PLEKHA5: variants seen among roughly 807,000 people sequenced by gnomAD.
PLEKHA5 encodes the protein pleckstrin homology domain-containing family A member 5.
A neutral mutation model predicts 181.9 loss-of-function variants in PLEKHA5; 55 were observed. That is an observed-to-expected ratio of 0.30 (90% CI 0.24 to 0.38). The LOEUF (loss-of-function observed/expected upper bound fraction) is 0.38. PLEKHA5 is among the 10% of genes least tolerant of loss of function. PLEKHA5 has a pLI of 1.00. For synonymous variants in PLEKHA5, 535 were observed against 529.4 expected, an observed-to-expected ratio of 1.01 and a Z score of -0.15; for missense variants, 1,432 against 1,549.5, an observed-to-expected ratio of 0.92 and a Z score of 1.27.
intron 27 of PLEKHA5, 31 bp downstream of exon 27, chr12:19,358,468 T>C (rs1208300635): frequency 6.9e-7 from 1 of 1,454,130 alleles, no homozygotes; most frequent in Non-Finnish European, 9.6e-7. Flanking sequence ...TATTATTTTG[T>C]GTAAATCTAG....
At chr12:19,209,550 C>T (rs1290828690) in intron 3 of PLEKHA5, among the ~76,000 whole-genome samples, 1 of 152,174 alleles carries the variant, frequency 6.6e-6, no homozygotes, top group Admixed American at 6.5e-5. Flanking sequence ...CCCAGATTAG[C>T]TCCAGAGAAG....
intron 3 of PLEKHA5, among the ~76,000 whole-genome samples, chr12:19,237,778 A>C (rs1184958161): frequency 5.3e-5 from 8 of 152,138 alleles, no homozygotes; most frequent in African/African-American, 1.9e-4. Flanking sequence ...TATTAATAAT[A>C]TCAATTCATG....
At chr12:19,200,988 T>C (rs543912226) in intron 3 of PLEKHA5, 2 of 152,164 alleles carry the variant, frequency 1.3e-5, no homozygotes, top group Admixed American at 6.6e-5. Context: ...AAAGAAAAAA[T>C]TGATAAATTA....
At chr12:19,201,751 A>AT (rs1328269116) in intron 3 of PLEKHA5, 6 of 152,254 alleles carry the variant, frequency 3.9e-5, no homozygotes, top group Admixed American at 3.9e-4. Flanking sequence ...TGAATTTCCC[A>AT]GAAAGGCAAA....
intron 4 of PLEKHA5, among the ~76,000 whole-genome samples, chr12:19,254,260 C>G (rs1253529227): frequency 6.6e-6 from 1 of 152,014 alleles, no homozygotes; most frequent in African/African-American, 2.4e-5. Flanking sequence ...AGCTCAAGAA[C>G]CCGGGATGCA....
rs138401471 is a variant in PLEKHA5, at chr12:19,320,932, C to T, written c.2217+308C>T. 1,473 of 167,460 alleles carry T rather than the reference C, an allele frequency of 8.8e-3. 22 individuals are homozygous for T. The highest frequency in any genetic ancestry group is 0.034 in the African/African-American group (1,414 of 41,918). 10.4% of individuals were successfully genotyped at this position (167,460 alleles called of 1,614,324 possible). A position where few individuals can be genotyped will look rare whatever the true frequency, so the allele number is the denominator to read the frequency against. On this transcript the variant is annotated intron_variant, in intron 18 of 31. Transcript: ENST00000429027. The stretch of plus-strand genomic sequence containing the variant: ...CTTTAATCCCAGCACTTTGGGAAGC[C>T]GAGGCGGGCGGATCAGTTGAGGCCA...
At chr12:19,245,564 C>T (rs1017662606) in intron 3 of PLEKHA5, among the ~76,000 whole-genome samples, 2 of 151,684 alleles carry the variant, frequency 1.3e-5, no homozygotes, top group Admixed American at 6.6e-5. Flanking sequence ...CCCGTCTCTA[C>T]TAAAAATACA....
intron 3 of PLEKHA5, among the ~76,000 whole-genome samples, chr12:19,213,236 T>C (rs2057319380): frequency 6.6e-6 from 1 of 152,018 alleles, no homozygotes; most frequent in African/African-American, 2.4e-5. Flanking sequence ...GTGGGTGGCT[T>C]CTCAGAGCAG....
chr12:19,233,157 T>G (rs1433534990), intron 3 of PLEKHA5, among the ~76,000 whole-genome samples: 1 of 152,184 alleles, frequency 6.6e-6, no homozygotes, highest in Admixed American at 6.5e-5. Flanking sequence ...GTTACTTTGG[T>G]TTTTCTTTTT....
intron 15 of PLEKHA5, among the ~76,000 whole-genome samples, chr12:19,300,968 C>A: frequency 1.7e-5 from 1 of 58,344 alleles, no homozygotes; most frequent in African/African-American, 4.1e-5. Context: ...AACCCCATCT[C>A]TACTAAAAAA....
intron 16 of PLEKHA5, among the ~76,000 whole-genome samples, chr12:19,317,519 A>AT (rs1015885428): frequency 3.6e-4 from 55 of 151,756 alleles, no homozygotes; most frequent in African/African-American, 1.1e-3. Flanking sequence ...TCCTATGAGC[A>AT]TTTTTTTTGC....
intron 21 of PLEKHA5, among the ~76,000 whole-genome samples, chr12:19,339,781 C>T (rs1008010889): frequency 1.3e-5 from 2 of 152,138 alleles, no homozygotes; most frequent in African/African-American, 2.4e-5. Context: ...CTCTGGGTCT[C>T]AGTTTCCACA....
chr12:19,320,602 G>T lies in PLEKHA5; in HGVS notation c.2195G>T (p.Arg732Ile), dbSNP rs1393597533. Residue 732 changes from arginine (R) to isoleucine (I), a missense_variant, in exon 18 of 32, where the codon AGA becomes ATA. Transcript: ENST00000429027. The part of the protein sequence containing the change: ...DEGRGTLYKY[R>I]PEEVDIDAKL... Reference sequence around the variant, plus strand: ...GGTAGAGGCACATTATACAAATACAGACCTGAAGAAGTAGATATTGATGTA... The same window carrying T: ...GGTAGAGGCACATTATACAAATACATACCTGAAGAAGTAGATATTGATGTA... 4 of 1,507,068 alleles carry T rather than the reference G, an allele frequency of 2.7e-6. No homozygotes were observed. The African/African-American group carries it at 4.1e-5, about 16-fold the overall frequency. The allele number at this position is 1,507,068 out of a possible 1,614,324, so 93.4% of individuals were successfully genotyped here.
Position 19,255,173 on chromosome 12 carries a change from A to C in PLEKHA5, c.432+8A>C, listed in dbSNP as rs751334933. ...ATGAGCCCTGTAGGCAGAGTAAGTT[A>C]TTTTGCTTTATATTAATTATTGATA... On this transcript the variant is annotated splice_region_variant and intron_variant, in intron 5 of 31. Transcript: ENST00000429027. 1 of 1,562,164 alleles carries C rather than the reference A, an allele frequency of 6.4e-7. No homozygotes were observed. Among genetic ancestry groups the C allele is most frequent in the South Asian group, 1.2e-5 (1 of 83,068 alleles).
intron 15 of PLEKHA5, among the ~76,000 whole-genome samples, chr12:19,301,361 T>G (rs994958632): frequency 6.6e-6 from 1 of 152,196 alleles, no homozygotes; most frequent in African/African-American, 2.4e-5. Context: ...TTTTTTTAAT[T>G]CATCTTGAGT....
chr12:19,280,042 T>TG (rs1190834385), intron 11 of PLEKHA5, among the ~76,000 whole-genome samples: 10 of 118,596 alleles, frequency 8.4e-5, no homozygotes, highest in African/African-American at 2.7e-4. Context: ...ACCTGTTTTT[T>TG]TTTTTTTTTT....
At chr12:19,306,272 A>G (rs1373236208) in intron 15 of PLEKHA5, 4 of 346,930 alleles carry the variant, frequency 1.2e-5, no homozygotes, top group African/African-American at 2.1e-5. Context: ...GTTGCCACGT[A>G]TGTTTTCTTA....
rs200199222 is a variant in PLEKHA5, at chr12:19,242,394, GCA to G, written c.228-11542_228-11541del. On this transcript the variant is annotated intron_variant, in intron 3 of 31. Coordinates refer to ENST00000429027, the MANE Select transcript of PLEKHA5 (RefSeq NM_001256470.2). ...GCTGGGACTACAGATGGGCGCCACTGCACACCTGGCTAATTTTTGTATTTTTA... is the reference window on the plus strand; with the variant it reads ...GCTGGGACTACAGATGGGCGCCACTGCACCTGGCTAATTTTTGTATTTTTA... Among the ~76,000 whole-genome samples, 593 of 151,954 alleles carry G rather than the reference GCA, an allele frequency of 3.9e-3. 5 individuals carry two copies. The highest frequency in any genetic ancestry group is 0.014 in the African/African-American group (566 of 41,466).
intron 3 of PLEKHA5, among the ~76,000 whole-genome samples, chr12:19,244,856 T>A (rs1592183256): frequency 6.6e-6 from 1 of 152,208 alleles, no homozygotes. Context: ...GTATTGGCTG[T>A]TATTGGCAAT....
Sources: gnomAD v4.1 joint callset for allele counts (sites outside exome capture counted in the v4.1 genomes callset) on GRCh38, gnomAD v4.1.1 for gene constraint, MANE v1.5 for transcripts, NCBI Gene and HGNC (gene_info 2026-07-23, HGNC 2026-07-21) for gene names.